The following POMT1 variants were observed in gnomAD, a reference collection of about 807,000 sequenced individuals.
POMT1 encodes protein O-mannosyltransferase 1.
POMT1 carries 85 observed loss-of-function variants against 101.6 expected under a neutral mutation model. The observed-to-expected ratio is 0.84, with a 90% CI of 0.70 to 1.00. The LOEUF (loss-of-function observed/expected upper bound fraction) is 1.00. Ranked by LOEUF, POMT1 falls within the 50% of genes least tolerant of loss-of-function variation. The probability of loss-of-function intolerance (pLI) is 0.00; values close to 1 mark genes in which losing one functional copy is unlikely to be tolerated. For synonymous variants in POMT1, 371 were observed against 383.0 expected (o/e 0.97, Z 0.37); for missense variants, 857 against 930.4 (o/e 0.92, Z 1.03).
chr9:131,518,192 T>C (rs1359633429), intron 13 of POMT1: 1 of 556,100 alleles, frequency 1.8e-6, no homozygotes, highest in African/African-American at 1.9e-5. Flanking sequence ...CTTTGTATTT[T>C]CTGTGAGGAG....
chr9:131,508,070 A>G (rs1438101784), intron 5 of POMT1, among the ~76,000 whole-genome samples: 1 of 151,382 alleles, frequency 6.6e-6, no homozygotes, highest in Non-Finnish European at 1.5e-5. Context: ...GTCTAAAAAT[A>G]ACGAAAAATA....
intron 2 of POMT1, among the ~76,000 whole-genome samples, chr9:131,504,746 AATGTGTGT>A (rs1280074777): frequency 7.3e-4 from 42 of 57,418 alleles, no homozygotes; most frequent in African/African-American, 1.6e-3. Context: ...TTAACTGATT[AATGTGTGT>A]ATGTGTGTGT....
At chr9:131,520,851 GAGAA>G (rs1949784020) in intron 17 of POMT1, among the ~76,000 whole-genome samples, 2 of 151,940 alleles carry the variant, frequency 1.3e-5, no homozygotes, top group Non-Finnish European at 2.9e-5. Context: ...GTATGTGAGA[GAGAA>G]AGAGAGAGAC....
intron 13 of POMT1, 135 bp downstream of exon 13, chr9:131,515,657 C>T: frequency 1.2e-6 from 1 of 823,824 alleles, no homozygotes; most frequent in African/African-American, 1.7e-5. Flanking sequence ...GGAGCACTTC[C>T]TCTAACACGG....
At chr9:131,511,157 G>A (rs1391780022) in intron 9 of POMT1, 180 bp from the exon 10 acceptor site, 10 of 685,956 alleles carry the variant, frequency 1.5e-5, no homozygotes, top group Non-Finnish European at 1.9e-5. Context: ...ATCAGACTTA[G>A]TGCTCATTAT....
chr9:131,515,513 C>T lies in POMT1; in HGVS notation c.1263C>T (p.Leu421=), dbSNP rs769586529. Reference sequence around the variant, plus strand: ...ACATCTCCATGCCCGCCCAGAACCTCTGGAGACTGGTGAGTAAGGCTGCGG... The same window carrying T: ...ACATCTCCATGCCCGCCCAGAACCTTTGGAGACTGGTGAGTAAGGCTGCGG... ...DYNISMPAQN[L]WRLEIVNRGS... is the part of the protein sequence containing the mutation. Residue 421 remains leucine, a synonymous_variant, in exon 13 of 20, where the codon CTC becomes CTT. Coordinates refer to ENST00000402686, the MANE Select transcript of POMT1 (RefSeq NM_001077365.2). The T allele has an allele frequency of 3.7e-6, 6 of 1,614,150 alleles. 1 individual carries two copies. The highest frequency in any genetic ancestry group is 1.7e-4 in the Middle Eastern group (1 of 6,040).
At position 131,523,738 on chromosome 9, in the gene POMT1, T is replaced by C. The variant is rs749248534; in HGVS notation, c.*632T>C. ...CTTCCTCGTCAGTGGTCAAGGTGTG[T>C]CATCCATACAGCTCCATGCCTTTGT... On this transcript the variant is annotated 3_prime_UTR_variant, in exon 20 of 20. Coordinates refer to ENST00000402686, the MANE Select transcript of POMT1 (RefSeq NM_001077365.2). 1 of 160,066 alleles carries C rather than the reference T, an allele frequency of 6.2e-6. No individual in the cohort carries two copies. Among genetic ancestry groups the C allele is most frequent in the African/African-American group, 2.4e-5 (1 of 41,548 alleles). The allele number at this position is 160,066 out of a possible 1,614,324, so 9.9% of individuals were successfully genotyped here.
At chr9:131,506,756 T>C in intron 4 of POMT1, 1 of 419,738 alleles carries the variant, frequency 2.4e-6, no homozygotes, top group Non-Finnish European at 4.4e-6. Flanking sequence ...TTTTGTCCAT[T>C]GCCACAATGT....
chr9:131,522,393 G>C lies in POMT1; in HGVS notation c.2003+169G>C. 7.4e-7 allele frequency: 1 copy of C among 1,350,932 alleles called. No individual in the cohort carries two copies. The highest frequency in any genetic ancestry group is 9.9e-7 in the Non-Finnish European group (1 of 1,006,560). 83.7% of individuals were successfully genotyped at this position (1,350,932 alleles called of 1,614,324 possible). A position where few individuals can be genotyped will look rare whatever the true frequency, so the allele number is the denominator to read the frequency against. On this transcript the variant is annotated intron_variant, in intron 19 of 19. Transcript: ENST00000402686. This position sits in a 1 kb window ranked among gnomAD's most constrained non-coding sequence, Gnocchi z 5.5. Reference sequence around the variant, plus strand: ...AGGTTCAGAAGAGATGCCCAGATGAGGCACTGCAGGAACCCAGAGGGAGAA... The same window carrying C: ...AGGTTCAGAAGAGATGCCCAGATGACGCACTGCAGGAACCCAGAGGGAGAA...
intron 10 of POMT1, 62 bp downstream of exon 10, chr9:131,511,529 T>A: frequency 6.2e-7 from 1 of 1,600,378 alleles, no homozygotes; most frequent in Non-Finnish European, 8.6e-7. Context: ...GATTTGCTTA[T>A]CTTAGCAACT....
Position 131,522,344 on chromosome 9 carries a change from C to T in POMT1, c.2003+120C>T, listed in dbSNP as rs1334637324. On this transcript the variant is annotated intron_variant, in intron 19 of 19. Transcript: ENST00000402686. This position sits in a 1 kb window ranked among gnomAD's most constrained non-coding sequence, Gnocchi z 5.5. ...CCATTTCACGTTACACTGACATCCT[C>T]CGGGTCCCTCCGGGGAATGGGTGAG... 3 of 1,516,740 alleles carry T rather than the reference C, an allele frequency of 2.0e-6. No individual in the cohort carries two copies. Among genetic ancestry groups the T allele is most frequent in the Non-Finnish European group, 2.6e-6 (3 of 1,133,004 alleles). 94.0% of individuals were successfully genotyped at this position (1,516,740 alleles called of 1,614,324 possible).
In POMT1 at chr9:131,522,369, G is replaced by A. The variant is rs182470020; in HGVS notation, c.2003+145G>A. The A allele has an allele frequency of 8.3e-5, 122 of 1,465,720 alleles. No individual in the cohort carries two copies. The African/African-American group carries it at 1.6e-3, about 19-fold the overall frequency. 90.8% of individuals were successfully genotyped at this position (1,465,720 alleles called of 1,614,324 possible). ...CCGGGTCCCTCCGGGGAATGGGTGA[G>A]GTTCAGAAGAGATGCCCAGATGAGG... On this transcript the variant is annotated intron_variant, in intron 19 of 19. Coordinates refer to ENST00000402686, the MANE Select transcript of POMT1 (RefSeq NM_001077365.2). This position sits in a 1 kb window ranked among gnomAD's most constrained non-coding sequence, Gnocchi z 5.5.
intron 13 of POMT1, among the ~76,000 whole-genome samples, chr9:131,516,361 G>A (rs1489010328): frequency 4.7e-5 from 7 of 147,494 alleles, no homozygotes; most frequent in African/African-American, 1.5e-4. Flanking sequence ...TTCCTCACAC[G>A]GAGCACTTCC....
Position 131,519,982 on chromosome 9 carries a change from C to G in POMT1, c.1585-98C>G. On this transcript the variant is annotated intron_variant, in intron 16 of 19. Coordinates refer to ENST00000402686, the MANE Select transcript of POMT1 (RefSeq NM_001077365.2). The surrounding 1 kb of genome is among the most constrained non-coding windows in gnomAD (Gnocchi z 4.3). ...CCGAATGAACTTGAGCTGGGCCAGTCCACGTGCAAGGGGCAGCAGTGTACT... is the reference window on the plus strand; with the variant it reads ...CCGAATGAACTTGAGCTGGGCCAGTGCACGTGCAAGGGGCAGCAGTGTACT... 1.1e-6 allele frequency: 1 copy of G among 881,882 alleles called. No homozygotes were observed. The highest frequency in any genetic ancestry group is 1.4e-5 in the South Asian group (1 of 71,874). The allele number at this position is 881,882 out of a possible 1,614,324, so 54.6% of individuals were successfully genotyped here.
In POMT1 at chr9:131,511,399, T is replaced by C. The variant is rs1284140422; in HGVS notation, c.918T>C (p.Thr306=). 6.2e-7 allele frequency: 1 copy of C among 1,614,048 alleles called. No individual in the cohort carries two copies. The highest frequency in any genetic ancestry group is 1.3e-5 in the African/African-American group (1 of 74,934). ...PLEVAFGSQV[T]LRNVFGKPVP... ...AGGTGGCCTTTGGGTCCCAGGTCACTCTGAGGAACGTCTTTGGGAAACCTG... is the reference window on the plus strand; with the variant it reads ...AGGTGGCCTTTGGGTCCCAGGTCACCCTGAGGAACGTCTTTGGGAAACCTG... The change falls in exon 10 of 20, where the codon ACT becomes ACC. Residue 306 remains threonine (T), a synonymous_variant. Transcript: ENST00000402686.
chr9:131,518,248 G>A (rs1308111851), intron 13 of POMT1, 197 bp from the exon 14 acceptor site: 9 of 703,876 alleles, frequency 1.3e-5, no homozygotes, highest in Middle Eastern at 2.3e-4. Flanking sequence ...CTTCCCCAGC[G>A]ACCCTCGGAG....
At position 131,519,075 on chromosome 9, in the gene POMT1, C is replaced by A; in HGVS notation, c.1486+118C>A. The A allele has an allele frequency of 6.7e-7, 1 of 1,495,732 alleles. No individual in the cohort carries two copies. Among genetic ancestry groups the A allele is most frequent in the South Asian group, 1.2e-5 (1 of 84,868 alleles). 92.7% of individuals were successfully genotyped at this position (1,495,732 alleles called of 1,614,324 possible). On this transcript the variant is annotated intron_variant, in intron 15 of 19. Coordinates refer to ENST00000402686, the MANE Select transcript of POMT1 (RefSeq NM_001077365.2). The surrounding 1 kb of genome is among the most constrained non-coding windows in gnomAD (Gnocchi z 4.3). Reference sequence around the variant, plus strand: ...GGGAACTGAGCACATTCTCCATGCTCGGTGGCAGGTCATCTCCCTCCCTGC... The same window carrying A: ...GGGAACTGAGCACATTCTCCATGCTAGGTGGCAGGTCATCTCCCTCCCTGC...
chr9:131,521,114 A>T, intron 17 of POMT1: 1 of 569,720 alleles, frequency 1.8e-6, no homozygotes, highest in Non-Finnish European at 3.2e-6. Context: ...AAGTGCTGGG[A>T]TTACAGGCAT....
intron 13 of POMT1, among the ~76,000 whole-genome samples, chr9:131,516,315 ACTTCCTCACACGGAACAC>A: frequency 6.7e-6 from 1 of 149,772 alleles, no homozygotes; most frequent in African/African-American, 2.5e-5. Flanking sequence ...CACACGGAGC[ACTTCCTCACACGGAACAC>A]CTCCTCACAC....
Sources: gnomAD v4.1 joint callset for allele counts (sites outside exome capture counted in the v4.1 genomes callset) on GRCh38, gnomAD v4.1.1 for gene constraint, Gnocchi (gnomAD v3.1) non-coding constraint, MANE v1.5 for transcripts, NCBI Gene and HGNC (gene_info 2026-07-23, HGNC 2026-07-21) for gene names.